ZNF365: variants seen among roughly 807,000 people sequenced by gnomAD.
The protein encoded by ZNF365 is zinc finger protein 365.
A neutral mutation model predicts 35.0 loss-of-function variants in ZNF365; 22 were observed. That is an observed-to-expected ratio of 0.63 (90% CI 0.45 to 0.90). The LOEUF (loss-of-function observed/expected upper bound fraction) is 0.90, where lower values mean the gene tolerates loss of function less well. ZNF365 is among the 40% of genes least tolerant of loss of function. The pLI is 0.00. For missense variants in ZNF365, 448 were observed against 500.3 expected (o/e 0.90, Z 1.00); for synonymous variants, 188 against 196.2 (o/e 0.96, Z 0.35).
At chr10:62,478,117 A>T (rs1841162278) in intron 4 of ZNF365, among the ~76,000 whole-genome samples, 1 of 152,228 alleles carries the variant, frequency 6.6e-6, no homozygotes, top group Admixed American at 6.5e-5. Flanking sequence ...TCTTCAGGTG[A>T]TAGGAGACAG....
At chr10:62,447,001 A>C (rs1840600781) in intron 3 of ZNF365, among the ~76,000 whole-genome samples, 1 of 152,110 alleles carries the variant, frequency 6.6e-6, no homozygotes. Flanking sequence ...AGCAAACCTG[A>C]CCTCATGTTC....
chr10:62,430,415 C>T (rs541521820), intron 3 of ZNF365, among the ~76,000 whole-genome samples: 1 of 152,174 alleles, frequency 6.6e-6, no homozygotes, highest in African/African-American at 2.4e-5. Flanking sequence ...CTCCTGACCT[C>T]GTGATCCACC....
chr10:62,417,312 G>T (rs1840090684), intron 3 of ZNF365, among the ~76,000 whole-genome samples: 2 of 152,040 alleles, frequency 1.3e-5, no homozygotes, highest in African/African-American at 4.8e-5. Flanking sequence ...TGCCCTAGCA[G>T]TCATTTTTTA....
At chr10:62,461,521 G>C (rs544766481) in intron 4 of ZNF365, among the ~76,000 whole-genome samples, 1 of 152,322 alleles carries the variant, frequency 6.6e-6, no homozygotes, top group African/African-American at 2.4e-5. Flanking sequence ...TCCTGACCGT[G>C]TTCCGCACGG....
intron 3 of ZNF365, among the ~76,000 whole-genome samples, chr10:62,412,033 C>G (rs922709946): frequency 6.6e-6 from 1 of 151,980 alleles, no homozygotes; most frequent in African/African-American, 2.4e-5. Flanking sequence ...TGCAAAAATC[C>G]TCAATAAAAT....
At chr10:62,422,078 A>G (rs1840177457) in intron 3 of ZNF365, among the ~76,000 whole-genome samples, 1 of 152,214 alleles carries the variant, frequency 6.6e-6, no homozygotes, top group Admixed American at 6.5e-5. Flanking sequence ...AAGTATTACC[A>G]TTCTACAGGG....
At chr10:62,441,909 T>A (rs1589455742) in intron 3 of ZNF365, among the ~76,000 whole-genome samples, 1 of 152,318 alleles carries the variant, frequency 6.6e-6, no homozygotes, top group South Asian at 2.1e-4. Context: ...TAGATGGTGA[T>A]TATAAGATTT....
chr10:62,392,266 G>A (rs1839643628), intron 3 of ZNF365, among the ~76,000 whole-genome samples: 3 of 152,070 alleles, frequency 2.0e-5, no homozygotes, highest in Non-Finnish European at 4.4e-5. Flanking sequence ...ATTTATCTTT[G>A]TTTTTGTTGC....
intron 3 of ZNF365, among the ~76,000 whole-genome samples, chr10:62,424,395 A>C (rs568722806): frequency 2.0e-5 from 3 of 152,346 alleles, no homozygotes; most frequent in African/African-American, 4.8e-5. Context: ...GGAATCTATT[A>C]TAAGCAATGA....
At chr10:62,463,530 A>G (rs1384531902) in intron 4 of ZNF365, among the ~76,000 whole-genome samples, 6 of 152,262 alleles carry the variant, frequency 3.9e-5, no homozygotes, top group African/African-American at 1.2e-4. Flanking sequence ...GCTTTGGTAC[A>G]TGACAGGATG....
chr10:62,467,272 A>C (rs1291381698), intron 4 of ZNF365, among the ~76,000 whole-genome samples: 4 of 152,222 alleles, frequency 2.6e-5, no homozygotes, highest in Non-Finnish European at 5.9e-5. Flanking sequence ...TCAATGCTAA[A>C]AGTGGTCAAA....
chr10:62,380,974 G>A (rs1839428541), intron 2 of ZNF365, among the ~76,000 whole-genome samples: 1 of 152,158 alleles, frequency 6.6e-6, no homozygotes, highest in Non-Finnish European at 1.5e-5. Context: ...TGTGCCCAGT[G>A]CTGTGTGAGG....
intron 3 of ZNF365, among the ~76,000 whole-genome samples, chr10:62,443,914 C>T (rs146619585): frequency 1.2e-3 from 182 of 152,316 alleles, no homozygotes; most frequent in African/African-American, 3.8e-3. Flanking sequence ...GCAATGATTA[C>T]AGTCTTGAAC....
chr10:62,430,516 A>C (rs372953097), intron 3 of ZNF365, among the ~76,000 whole-genome samples: 1 of 152,344 alleles, frequency 6.6e-6, no homozygotes, highest in South Asian at 2.1e-4. Flanking sequence ...CTTCCTAAAA[A>C]GGGGAGGGTG....
intron 4 of ZNF365, among the ~76,000 whole-genome samples, chr10:62,476,968 T>C (rs1223231249): frequency 6.6e-6 from 1 of 152,220 alleles, no homozygotes; most frequent in African/African-American, 2.4e-5. Flanking sequence ...AGATTTACTA[T>C]ATTGTGATTA....
At position 62,400,328 on chromosome 10, in the gene ZNF365, A is replaced by C; in HGVS notation, c.*539A>C. The C allele has an allele frequency of 1.0e-6, 1 of 986,474 alleles. No individual in the cohort carries two copies. The highest frequency in any genetic ancestry group is 1.2e-6 in the Non-Finnish European group (1 of 830,330). 61.1% of individuals were successfully genotyped at this position (986,474 alleles called of 1,614,324 possible). On this transcript the variant is annotated 3_prime_UTR_variant, in exon 5 of 5. Coordinates refer to ENST00000395254, the MANE Select transcript of ZNF365 (RefSeq NM_014951.3). ...TCCCCGAGTATTCTGGTTAATCAAG[A>C]TTTCAATTTCTGGGTTGCTCAAGGG...
chr10:62,445,029 G>T (rs1275854522), intron 3 of ZNF365, among the ~76,000 whole-genome samples: 1 of 151,674 alleles, frequency 6.6e-6, no homozygotes, highest in African/African-American at 2.4e-5. Context: ...CGAGGTGTTT[G>T]GTTTTTTGTC....
At chr10:62,450,372 G>C (rs530647955) in intron 3 of ZNF365, among the ~76,000 whole-genome samples, 4 of 152,266 alleles carry the variant, frequency 2.6e-5, no homozygotes, top group African/African-American at 9.6e-5. Flanking sequence ...GAAGCCTGAG[G>C]CTTCTCAGGA....
chr10:62,433,674 T>C (rs1031486482), intron 3 of ZNF365, among the ~76,000 whole-genome samples: 4 of 152,170 alleles, frequency 2.6e-5, no homozygotes, highest in African/African-American at 9.7e-5. Context: ...GAGAGCATCC[T>C]GAGATGGCAT....
Sources: allele counts gnomAD v4.1 joint callset (sites outside exome capture counted in the v4.1 genomes callset), GRCh38; gene constraint gnomAD v4.1.1; transcripts MANE v1.5; gene names NCBI Gene and HGNC (gene_info 2026-07-23, HGNC 2026-07-21).